The following PARVB variants were observed in gnomAD, a reference collection of about 807,000 sequenced individuals.
The protein encoded by PARVB is parvin beta, also known as beta-parvin.
A neutral mutation model predicts 47.0 loss-of-function variants in PARVB; 46 were observed. The observed-to-expected ratio is 0.98, with a 90% confidence interval of 0.77 to 1.25. The LOEUF is 1.25. Ranked by LOEUF, PARVB falls within the 50% of genes most tolerant of loss-of-function variation. PARVB has a pLI of 0.00. For synonymous variants in PARVB, 196 were observed against 196.3 expected, an observed-to-expected ratio of 1.00 and a Z score of 0.01; for missense variants, 473 against 471.6, an observed-to-expected ratio of 1.00 and a Z score of -0.03.
At chr22:44,134,330 G>A (rs113426389) in intron 6 of PARVB, among the ~76,000 whole-genome samples, 3,286 of 152,268 alleles carry the variant, frequency 0.022, 110 homozygotes, top group African/African-American at 0.071. Flanking sequence ...CCGTGTCTTG[G>A]CCACTGGTTC....
At chr22:44,044,121 C>G (rs1173617317) in intron 1 of PARVB, among the ~76,000 whole-genome samples, 1 of 151,840 alleles carries the variant, frequency 6.6e-6, no homozygotes, top group Non-Finnish European at 1.5e-5. Flanking sequence ...TGGACAGAGA[C>G]TTTGATCACA....
At position 44,066,801 on chromosome 22, in the gene PARVB, C is replaced by CCTCCTCCTT. The variant is rs1555898488; in HGVS notation, c.113-27119_113-27118insTCTCCTCCT. Among the ~76,000 whole-genome samples, 454 of 110,278 alleles carry CCTCCTCCTT rather than the reference C, an allele frequency of 4.1e-3. 2 individuals are homozygous for CCTCCTCCTT. Among genetic ancestry groups the CCTCCTCCTT allele is most frequent in the African/African-American group, 7.3e-3 (178 of 24,440 alleles). 72.3% of individuals were successfully genotyped at this position (110,278 alleles called of 152,430 possible). A position where few individuals can be genotyped will look rare whatever the true frequency, so the allele number is the denominator to read the frequency against. ...TATTTCTCCTCCTCCTCCTCCTCCT[C>CCTCCTCCTT]CTCCTCCTCCTCCTCCTCCTCTTCC... On this transcript the variant is annotated intron_variant, in intron 1 of 12. Transcript: ENST00000338758.
intron 1 of PARVB, among the ~76,000 whole-genome samples, chr22:44,033,014 G>A (rs997429843): frequency 3.9e-5 from 6 of 152,158 alleles, no homozygotes; most frequent in African/African-American, 1.4e-4. Flanking sequence ...TGTGTGAATC[G>A]TTTAAGATAT....
chr22:44,033,852 C>T (rs942221993), intron 1 of PARVB, among the ~76,000 whole-genome samples: 8 of 152,210 alleles, frequency 5.3e-5, no homozygotes, highest in East Asian at 3.9e-4. Flanking sequence ...CAAATCCAGA[C>T]GCTCCTGGAA....
chr22:44,011,287 T>C (rs2050520659), intron 2 of PARVB, among the ~76,000 whole-genome samples: 1 of 151,984 alleles, frequency 6.6e-6, no homozygotes, highest in South Asian at 2.1e-4. Context: ...TTACACATCA[T>C]CTGTGGCTGC....
chr22:44,051,612 C>T (rs966892183), intron 1 of PARVB, among the ~76,000 whole-genome samples: 12 of 152,228 alleles, frequency 7.9e-5, no homozygotes, highest in South Asian at 4.2e-4. Context: ...AGGCGAATGC[C>T]GGGAAGCGCT....
chr22:44,036,099 A>G (rs1427334063), intron 1 of PARVB, among the ~76,000 whole-genome samples: 1 of 152,128 alleles, frequency 6.6e-6, no homozygotes, highest in Non-Finnish European at 1.5e-5. Context: ...TCTACTAAAA[A>G]GATAAAAATT....
In PARVB at chr22:44,114,617, C is replaced by A. The variant is rs1408706225; in HGVS notation, c.274-4421C>A. The stretch of plus-strand genomic sequence containing the variant: ...CAACACAGATACATTGTTACTAAGG[C>A]CCTGCACCAACACAGATACATTGTT... On this transcript the variant is annotated intron_variant, in intron 3 of 12. Transcript: ENST00000338758. 4.4e-5 allele frequency: 3 copies of A among 67,492 alleles called. 1 individual carries two copies. In the Admixed American group the frequency reaches 4.6e-4, roughly 10 times the overall value. The allele number at this position is 67,492 out of a possible 1,614,324, so 4.2% of individuals were successfully genotyped here. A position where few individuals can be genotyped will look rare whatever the true frequency, so the allele number is the denominator to read the frequency against.
At chr22:44,158,963 A>G (rs948474509) in intron 11 of PARVB, among the ~76,000 whole-genome samples, 1 of 152,200 alleles carries the variant, frequency 6.6e-6, no homozygotes, top group Non-Finnish European at 1.5e-5. Flanking sequence ...GGCACGTTGC[A>G]GTCTGTTTGC....
intron 1 of PARVB, among the ~76,000 whole-genome samples, chr22:44,057,106 T>C (rs956730770): frequency 6.6e-6 from 1 of 151,832 alleles, no homozygotes; most frequent in African/African-American, 2.4e-5. Flanking sequence ...TTTTTTGTCC[T>C]GCGTGTCTCA....
rs766162295 is a variant in PARVB at position 44,122,488 on chromosome 22, AAGAGAGAGAG to A, written c.376+3370_376+3379del. ...GCAACAGAGTGAGACCCTGTCGATCAAGAGAGAGAGAGAGAGAGAGAGAGAGAGAGACAGA... is the reference window on the plus strand; with the variant it reads ...GCAACAGAGTGAGACCCTGTCGATCAAGAGAGAGAGAGAGAGAGAGACAGA... On this transcript the variant is annotated intron_variant, in intron 4 of 12. Transcript: ENST00000338758. 1.1e-3 allele frequency among the ~76,000 whole-genome samples: 87 copies of A among 76,672 alleles called. 1 individual carries two copies. The highest frequency in any genetic ancestry group is 4.5e-3 in the African/African-American group (74 of 16,422). 50.3% of individuals were successfully genotyped at this position (76,672 alleles called of 152,430 possible). A position where few individuals can be genotyped will look rare whatever the true frequency, so the allele number is the denominator to read the frequency against.
chr22:44,082,285 G>A (rs746687800), intron 1 of PARVB, among the ~76,000 whole-genome samples: 9 of 152,192 alleles, frequency 5.9e-5, no homozygotes, highest in Non-Finnish European at 1.3e-4. Context: ...TTGGGAGGCC[G>A]AGGCAGGTGG....
At chr22:44,140,797 T>G (rs2053536385) in intron 8 of PARVB, 1 of 297,482 alleles carries the variant, frequency 3.4e-6, no homozygotes, top group Admixed American at 3.9e-5. Context: ...TAGTGTTGGT[T>G]TTCAGTGGCT....
intron 4 of PARVB, among the ~76,000 whole-genome samples, chr22:44,120,154 T>C (rs995651137): frequency 1.3e-5 from 2 of 152,196 alleles, no homozygotes; most frequent in Non-Finnish European, 2.9e-5. Flanking sequence ...TTCTCTGACC[T>C]GTCTACGGAG....
chr22:44,021,804 CACACACACACACAG>C (rs1414685726), upstream of PARVB, among the ~76,000 whole-genome samples: 23 of 140,418 alleles, frequency 1.6e-4, no homozygotes, highest in African/African-American at 5.4e-4. Context: ...CACACACACA[CACACACACACACAG>C]GGCCTAGTAG....
In PARVB at chr22:44,050,097, C is replaced by T. The variant is rs537390699; in HGVS notation, c.112+25646C>T. On this transcript the variant is annotated intron_variant, in intron 1 of 12. Transcript: ENST00000338758. Reference sequence around the variant, plus strand: ...CTTCCTGCCTCAGATGAACGGGCCTCCTCTCCCAGCTCCTAATCAGGAGGG... The same window carrying T: ...CTTCCTGCCTCAGATGAACGGGCCTTCTCTCCCAGCTCCTAATCAGGAGGG... 3.0e-4 allele frequency among the ~76,000 whole-genome samples: 46 copies of T among 152,278 alleles called. 1 individual carries two copies. In the South Asian group the frequency reaches 6.6e-3, roughly 22 times the overall value.
intron 3 of PARVB, chr22:44,111,354 G>A (rs2052691036): frequency 1.3e-5 from 2 of 150,182 alleles, no homozygotes; most frequent in Non-Finnish European, 2.9e-5. Flanking sequence ...ACATATTCAT[G>A]CCATGCTGTA....
chr22:44,145,122 G>C (rs1362648631), intron 8 of PARVB: 1 of 152,280 alleles, frequency 6.6e-6, no homozygotes, highest in Admixed American at 6.5e-5. Context: ...TGTAAGGACT[G>C]AGGACCGACA....
Position 44,107,905 on chromosome 22 carries a change from A to C in PARVB, c.273+7782A>C, listed in dbSNP as rs910817869. On this transcript the variant is annotated intron_variant, in intron 3 of 12. Transcript: ENST00000338758. ...TTTTTTTTTTTTGAGACGGAGTCTC[A>C]CACTGTCGGCCAGGCTACAGTGCAG... 38 of 150,304 alleles carry C rather than the reference A, an allele frequency of 2.5e-4. 1 individual carries two copies. Among genetic ancestry groups the C allele is most frequent in the African/African-American group, 8.8e-4 (36 of 40,786 alleles). 9.3% of individuals were successfully genotyped at this position (150,304 alleles called of 1,614,324 possible).
Sources: gnomAD v4.1 joint callset for allele counts (sites outside exome capture counted in the v4.1 genomes callset) on GRCh38, gnomAD v4.1.1 for gene constraint, MANE v1.5 for transcripts, NCBI Gene and HGNC (gene_info 2026-07-23, HGNC 2026-07-21) for gene names.